MSI1: variants seen among roughly 807,000 people sequenced by gnomAD.
The protein encoded by MSI1 is RNA-binding protein Musashi homolog 1.
In MSI1, 15 loss-of-function variants were observed where a neutral mutation model predicts 54.4. The observed-to-expected ratio is 0.28, with a 90% CI of 0.18 to 0.42. MSI1 has a LOEUF of 0.42. MSI1 is among the 20% of genes least tolerant of loss of function. MSI1 has a pLI of 1.00. For missense variants in MSI1, 304 were observed against 506.0 expected, an observed-to-expected ratio of 0.60 and a Z score of 3.83; for synonymous variants, 200 against 196.5, an observed-to-expected ratio of 1.02 and a Z score of -0.15.
intron 6 of MSI1, among the ~76,000 whole-genome samples, chr12:120,361,998 C>G (rs1190464939): frequency 1.3e-5 from 2 of 151,636 alleles, no homozygotes; most frequent in Non-Finnish European, 2.9e-5. Flanking sequence ...GACACCCCGC[C>G]GCAGCCGAGC....
intron 4 of MSI1, among the ~76,000 whole-genome samples, chr12:120,367,314 C>T (rs947187342): frequency 6.6e-6 from 1 of 152,174 alleles, no homozygotes; most frequent in Non-Finnish European, 1.5e-5. Context: ...TCCATCTGCC[C>T]TGGAGCCAGC....
In MSI1 at chr12:120,343,343, T is replaced by C. The variant is rs1047615493; in HGVS notation, c.*22-238A>G. On this transcript the variant is annotated intron_variant, in intron 14 of 14. Transcript: ENST00000257552. ...CCTCAGCCTCCTGAGACTCTGGGAT[T>C]ACAGGTAGTATCTGGGACTACAGGT... Among the ~76,000 whole-genome samples, 5 of 152,252 alleles carry C rather than the reference T, an allele frequency of 3.3e-5. No individual in the cohort carries two copies. The East Asian group carries it at 9.7e-4, about 29-fold the overall frequency.
intron 4 of MSI1, among the ~76,000 whole-genome samples, chr12:120,365,266 G>C (rs1875945319): frequency 6.6e-6 from 1 of 152,124 alleles, no homozygotes; most frequent in African/African-American, 2.4e-5. Context: ...CATTTGCACT[G>C]CTTCCCAGCT....
At position 120,362,804 on chromosome 12, in the gene MSI1, G is replaced by A. The variant is rs140986281; in HGVS notation, c.402+239C>T. Among the ~76,000 whole-genome samples, 333 of 152,248 alleles carry A rather than the reference G, an allele frequency of 2.2e-3. 1 individual carries two copies. The highest frequency in any genetic ancestry group is 7.9e-3 in the African/African-American group (328 of 41,522). ...AGTAAGAGAAAAATACAGTGGAAGGGCAACAACAGGGCCAGCTACTGTGTG... is the reference window on the plus strand; with the variant it reads ...AGTAAGAGAAAAATACAGTGGAAGGACAACAACAGGGCCAGCTACTGTGTG... On this transcript the variant is annotated intron_variant, in intron 6 of 14. Transcript: ENST00000257552.
chr12:120,368,272 T>C lies in MSI1; in HGVS notation c.102A>G (p.Glu34=), dbSNP rs1876145393. Residue 34 remains glutamate (E), a splice_region_variant and synonymous_variant, in exon 3 of 15, where the codon GAA becomes GAG. Coordinates refer to ENST00000257552, the MANE Select transcript of MSI1 (RefSeq NM_002442.4). This position sits in a 1 kb window ranked among gnomAD's most constrained non-coding sequence, Gnocchi z 6.6. The stretch of plus-strand genomic sequence containing the variant: ...ACTGGCCGAAGTATTCGCGCAGCCC[T>C]TCTGTAACCACACACCCGCCTTCGG... The part of the protein sequence containing the change: ...IGGLSWQTTQ[E]GLREYFGQFG... 1.9e-6 allele frequency: 3 copies of C among 1,569,064 alleles called. No homozygotes were observed. The highest frequency in any genetic ancestry group is 3.7e-5 in the Admixed American group (2 of 54,428).
chr12:120,366,542 G>C (rs557767558), intron 4 of MSI1, among the ~76,000 whole-genome samples: 32 of 152,074 alleles, frequency 2.1e-4, no homozygotes, highest in Non-Finnish European at 4.4e-4. Flanking sequence ...TGGGGAGATG[G>C]TACCCAAGCC....
intron 6 of MSI1, among the ~76,000 whole-genome samples, chr12:120,362,480 C>G (rs1242665153): frequency 6.6e-6 from 1 of 152,180 alleles, no homozygotes; most frequent in East Asian, 1.9e-4. Context: ...ATGCCCCTTA[C>G]AGCTCACAGC....
chr12:120,350,502 C>A (rs541101325), intron 11 of MSI1, among the ~76,000 whole-genome samples: 39 of 152,198 alleles, frequency 2.6e-4, no homozygotes, highest in Non-Finnish European at 4.0e-4. Context: ...TTTGGGGGAA[C>A]CCTGAGCACC....
At chr12:120,356,675 T>C (rs1875146073) in intron 9 of MSI1, among the ~76,000 whole-genome samples, 1 of 152,208 alleles carries the variant, frequency 6.6e-6, no homozygotes, top group African/African-American at 2.4e-5. Context: ...CCAATGAATA[T>C]GGTTGGACCT....
intron 5 of MSI1, among the ~76,000 whole-genome samples, chr12:120,363,788 C>G (rs932206764): frequency 6.6e-6 from 1 of 152,200 alleles, no homozygotes; most frequent in Non-Finnish European, 1.5e-5. Context: ...CTGGACCCTT[C>G]CAGAGATGCC....
chr12:120,365,382 T>C (rs1442346914), intron 4 of MSI1, among the ~76,000 whole-genome samples: 1 of 152,164 alleles, frequency 6.6e-6, no homozygotes, highest in African/African-American at 2.4e-5. Flanking sequence ...CAGCAGATTA[T>C]TGGAGATAAT....
chr12:120,345,435 C>T (rs1874029444), intron 14 of MSI1, 135 bp downstream of exon 14: 2 of 713,086 alleles, frequency 2.8e-6, no homozygotes, highest in Non-Finnish European at 4.8e-6. Context: ...TTATTGACCA[C>T]AGCTGGTATA....
At chr12:120,348,225 A>T (rs1211862819) in intron 11 of MSI1, among the ~76,000 whole-genome samples, 1 of 152,100 alleles carries the variant, frequency 6.6e-6, no homozygotes, top group African/African-American at 2.4e-5. Flanking sequence ...GTCTGCCATC[A>T]TCGCCACCTC....
At chr12:120,355,694 G>C (rs981008975) in intron 9 of MSI1, among the ~76,000 whole-genome samples, 3 of 152,206 alleles carry the variant, frequency 2.0e-5, no homozygotes, top group African/African-American at 7.2e-5. Flanking sequence ...AGGTGAATCT[G>C]ATAACAGGGT....
Position 120,346,182 on chromosome 12 carries a change from T to C in MSI1, c.1000A>G (p.Ser334Gly). The C allele has an allele frequency of 1.3e-6, 2 of 1,599,620 alleles. No individual in the cohort carries two copies. Among genetic ancestry groups the C allele is most frequent in the South Asian group, 1.1e-5 (1 of 88,380 alleles). The change falls in exon 13 of 15, where the codon AGC (serine) becomes GGC (glycine). Residue 334 changes from serine to glycine, a missense_variant. Coordinates refer to ENST00000257552, the MANE Select transcript of MSI1 (RefSeq NM_002442.4). ...GTGCTGGGGGCAGGGCTGGCGGCGC[T>C]GATGTAACTGCTGACCCCCGAGTCC... ...NQDSGVSSYISAASPAPSTGF... is the reference protein window; with the variant it reads ...NQDSGVSSYIGAASPAPSTGF...
chr12:120,353,240 T>A (rs901321109), intron 10 of MSI1, 59 bp downstream of exon 10: 38 of 1,549,666 alleles, frequency 2.5e-5, no homozygotes, highest in Non-Finnish European at 3.3e-5. Flanking sequence ...CCCTGAGAAG[T>A]CAGACTGCCC....
rs964213775 is a variant in MSI1 at position 120,368,652 on chromosome 12, C to T, written c.100+181G>A. Among the ~76,000 whole-genome samples the T allele has an allele frequency of 2.0e-5, 3 of 151,864 alleles. No homozygotes were observed. Among genetic ancestry groups the T allele is most frequent in the Non-Finnish European group, 4.4e-5 (3 of 67,904 alleles). On this transcript the variant is annotated intron_variant, in intron 2 of 14. Transcript: ENST00000257552. This position sits in a 1 kb window ranked among gnomAD's most constrained non-coding sequence, Gnocchi z 6.6. ...CCCCTCATCTGCTCCCCTCCACCCGCTGGGCCGGGTGCGCTCGCGGATCGC... is the reference window on the plus strand; with the variant it reads ...CCCCTCATCTGCTCCCCTCCACCCGTTGGGCCGGGTGCGCTCGCGGATCGC...
intron 11 of MSI1, 114 bp downstream of exon 11, chr12:120,351,230 G>T: frequency 9.8e-7 from 1 of 1,025,528 alleles, no homozygotes; most frequent in East Asian, 2.6e-5. Flanking sequence ...CCCACAGCCG[G>T]AGGGCTGGCG....
intron 9 of MSI1, among the ~76,000 whole-genome samples, chr12:120,356,351 C>T (rs1200442039): frequency 6.6e-6 from 1 of 152,166 alleles, no homozygotes; most frequent in Non-Finnish European, 1.5e-5. Context: ...TCCCGTCTCT[C>T]CAGCCTCCCC....
Sources: allele counts gnomAD v4.1 joint callset (sites outside exome capture counted in the v4.1 genomes callset), GRCh38; gene constraint gnomAD v4.1.1; non-coding constraint Gnocchi (gnomAD v3.1); transcripts MANE v1.5; gene names NCBI Gene and HGNC (gene_info 2026-07-23, HGNC 2026-07-21).